TRIM37: variants seen among roughly 807,000 people sequenced by gnomAD.
TRIM37 encodes E3 ubiquitin-protein ligase TRIM37.
TRIM37 carries 80 observed loss-of-function variants against 129.8 expected under a neutral mutation model. The ratio of observed to expected loss-of-function variants is 0.62; its 90% CI spans 0.51 to 0.74. TRIM37 has a LOEUF of 0.74. Among genes scored for constraint, TRIM37 ranks in the 30% least tolerant of loss-of-function variants. TRIM37 has a pLI of 0.00. For synonymous variants in TRIM37, 389 were observed against 387.1 expected (o/e 1.00, Z -0.06); for missense variants, 1,054 against 1,176.5 (o/e 0.90, Z 1.52).
intron 12 of TRIM37, 74 bp downstream of exon 12, chr17:59,060,958 A>G: frequency 9.1e-7 from 1 of 1,094,570 alleles, no homozygotes; most frequent in Non-Finnish European, 1.4e-6. Flanking sequence ...TAACAAAAAT[A>G]AAAATTAACA....
At chr17:59,084,387 T>A (rs1465108576) in intron 4 of TRIM37, among the ~76,000 whole-genome samples, 1 of 152,236 alleles carries the variant, frequency 6.6e-6, no homozygotes, top group Non-Finnish European at 1.5e-5. Context: ...TGATATATTC[T>A]ATTGTACTAC....
downstream of TRIM37, chr17:58,980,919 C>T: frequency 6.2e-7 from 1 of 1,614,140 alleles, no homozygotes. This position sits in a 1 kb window ranked among gnomAD's most constrained non-coding sequence, Gnocchi z 4.7. Flanking sequence ...ATAAGAAGTT[C>T]TCTGCCATGG....
At chr17:59,054,194 G>T (rs2040612460) in intron 13 of TRIM37, among the ~76,000 whole-genome samples, 1 of 152,156 alleles carries the variant, frequency 6.6e-6, no homozygotes, top group Admixed American at 6.5e-5. Context: ...TAAATACTCT[G>T]AAACTTCTCA....
intron 20 of TRIM37, 93 bp downstream of exon 20, chr17:59,017,203 T>C: frequency 7.4e-6 from 11 of 1,484,884 alleles, no homozygotes; most frequent in Non-Finnish European, 1.0e-5. Context: ...GCATTTTTGG[T>C]GCCCTTCAAG....
chr17:59,076,280 C>T (rs751847948), intron 7 of TRIM37, among the ~76,000 whole-genome samples: 5 of 152,224 alleles, frequency 3.3e-5, no homozygotes, highest in African/African-American at 4.8e-5. Flanking sequence ...ATGGCTCATG[C>T]CTGTAATCCC....
intron 12 of TRIM37, among the ~76,000 whole-genome samples, chr17:59,060,211 ACT>A (rs994314316): frequency 7.9e-5 from 12 of 151,396 alleles, no homozygotes; most frequent in African/African-American, 2.7e-4. Context: ...CAGCCTGAAA[ACT>A]CTCTCAAGGC....
At chr17:59,032,858 C>T (rs894155294) in intron 17 of TRIM37, among the ~76,000 whole-genome samples, 2 of 152,104 alleles carry the variant, frequency 1.3e-5, no homozygotes, top group African/African-American at 4.8e-5. Context: ...TAGGTCATGA[C>T]AGTTTGGTAG....
intron 24 of TRIM37, among the ~76,000 whole-genome samples, chr17:58,989,521 C>T (rs887199114): frequency 5.9e-5 from 9 of 152,166 alleles, no homozygotes; most frequent in African/African-American, 1.7e-4. Flanking sequence ...TACAGCAAAT[C>T]GATGGAACCT....
intron 2 of TRIM37, among the ~76,000 whole-genome samples, chr17:59,101,655 CAAAAAAAAAAAAAA>C (rs763661189): frequency 8.7e-4 from 51 of 58,764 alleles, no homozygotes; most frequent in African/African-American, 2.8e-3. Flanking sequence ...CCCATCTCTA[CAAAAAAAAAAAAAA>C]AAAAAAAAAT....
At chr17:58,986,011 G>C (rs1255022812) in intron 24 of TRIM37, among the ~76,000 whole-genome samples, 1 of 152,104 alleles carries the variant, frequency 6.6e-6, no homozygotes, top group Non-Finnish European at 1.5e-5. Flanking sequence ...AGATCAAAAG[G>C]AACACCTCTT....
At chr17:58,980,763 T>G (rs769344972), downstream of TRIM37, 2 of 1,614,138 alleles carry the variant, frequency 1.2e-6, no homozygotes, top group Non-Finnish European at 8.5e-7. The surrounding 1 kb of genome is among the most constrained non-coding windows in gnomAD (Gnocchi z 4.7). Context: ...GTTTCTAGAT[T>G]GTCTCATTTA....
intron 22 of TRIM37, among the ~76,000 whole-genome samples, chr17:59,003,853 AG>A (rs1336808567): frequency 6.9e-6 from 1 of 144,428 alleles, no homozygotes; most frequent in Non-Finnish European, 1.5e-5. Flanking sequence ...TGAAAGGCTG[AG>A]GCAGGAGGAT....
intron 16 of TRIM37, among the ~76,000 whole-genome samples, chr17:59,042,449 A>ATAT (rs1302050122): frequency 1.9e-3 from 67 of 36,026 alleles, no homozygotes; most frequent in South Asian, 5.2e-3. Context: ...AAAAAAAAAA[A>ATAT]ATATATATAT....
chr17:59,096,417 T>C (rs1599553512), intron 2 of TRIM37, among the ~76,000 whole-genome samples: 1 of 151,104 alleles, frequency 6.6e-6, no homozygotes, highest in Non-Finnish European at 1.5e-5. Context: ...CCAGGCATGG[T>C]GGTGGGTGCC....
intron 22 of TRIM37, among the ~76,000 whole-genome samples, chr17:59,003,145 G>C (rs1274045615): frequency 6.6e-6 from 1 of 152,186 alleles, no homozygotes; most frequent in East Asian, 1.9e-4. Flanking sequence ...CTAAAGTGGT[G>C]GCATTACAGG....
chr17:58,995,294 C>A (rs560447330), downstream of TRIM37, among the ~76,000 whole-genome samples: 2 of 151,542 alleles, frequency 1.3e-5, no homozygotes, highest in East Asian at 1.9e-4. Context: ...GCATCCAAAT[C>A]TTTGTTTCTA....
chr17:59,079,971 A>C, intron 6 of TRIM37, 94 bp from the exon 7 acceptor site: 1 of 1,416,526 alleles, frequency 7.1e-7, no homozygotes. Context: ...ATAATATGAA[A>C]AAGGTAGTTA....
Position 59,073,896 on chromosome 17 carries a change from C to T in TRIM37, c.684+1751G>A, listed in dbSNP as rs1419436048. ...TACTAGCACATATGGATCTACAATG[C>T]TAACAATGCCTTCTTCTGGAATATA... On this transcript the variant is annotated intron_variant, in intron 8 of 23. Transcript: ENST00000262294. Among the ~76,000 whole-genome samples the T allele has an allele frequency of 3.3e-5, 5 of 152,216 alleles. No homozygotes were observed. In the South Asian group the frequency reaches 1.0e-3, roughly 32 times the overall value.
Position 59,032,042 on chromosome 17 carries a change from G to A in TRIM37, c.1802C>T (p.Thr601Ile), listed in dbSNP as rs1555653135. The change falls in exon 18 of 24, where the codon ACA (threonine) becomes ATA (isoleucine). Residue 601 changes from threonine to isoleucine, a missense_variant. By Grantham distance (89) the Thr-to-Ile change is moderately conservative (BLOSUM62 -1). This residue lies in a region of TRIM37 where 752 missense variants were observed against 870.8 expected (regional missense o/e 0.86). Coordinates refer to ENST00000262294, the MANE Select transcript of TRIM37 (RefSeq NM_015294.6). ...VGSSSRISRRTHLCSAATSSL... is the reference protein window; with the variant it reads ...VGSSSRISRRIHLCSAATSSL... ...ACTGGTAGCAGCGGAGCATAAATGTGTTCTTCTTGATATTCTACTACTGGA... is the reference window on the plus strand; with the variant it reads ...ACTGGTAGCAGCGGAGCATAAATGTATTCTTCTTGATATTCTACTACTGGA... The A allele has an allele frequency of 6.2e-7, 1 of 1,614,068 alleles. No individual in the cohort carries two copies. Among genetic ancestry groups the A allele is most frequent in the Non-Finnish European group, 8.5e-7 (1 of 1,180,032 alleles).
Sources: gnomAD v4.1 joint callset for allele counts (sites outside exome capture counted in the v4.1 genomes callset) on GRCh38, gnomAD v4.1.1 for gene constraint, gnomAD v4.1.1 regional missense constraint, Gnocchi (gnomAD v3.1) non-coding constraint, MANE v1.5 for transcripts, NCBI Gene and HGNC (gene_info 2026-07-23, HGNC 2026-07-21) for gene names.